SSH2: variants seen among roughly 807,000 people sequenced by gnomAD.
The protein encoded by SSH2 is protein phosphatase Slingshot homolog 2.
SSH2 carries 37 observed loss-of-function variants against 135.2 expected under a neutral mutation model. That is an observed-to-expected ratio of 0.27 (90% CI 0.21 to 0.36). The LOEUF is 0.36. SSH2 is among the 10% of genes least tolerant of loss of function. SSH2 has a pLI of 1.00. For synonymous variants in SSH2, 628 were observed against 646.2 expected (o/e 0.97, Z 0.43); for missense variants, 1,408 against 1,765.3 (o/e 0.80, Z 3.63).
At chr17:29,843,029 A>G (rs2043069969) in intron 2 of SSH2, among the ~76,000 whole-genome samples, 1 of 152,194 alleles carries the variant, frequency 6.6e-6, no homozygotes, top group African/African-American at 2.4e-5. Context: ...TCTGCAAATG[A>G]GTCTGAAAAA....
intron 1 of SSH2, among the ~76,000 whole-genome samples, chr17:29,896,344 T>C (rs2066443967): frequency 1.6e-5 from 2 of 125,666 alleles, no homozygotes; most frequent in African/African-American, 2.9e-5. Context: ...AAATGTATTT[T>C]ATATACACAT....
At chr17:29,891,165 G>C (rs188384270) in intron 1 of SSH2, among the ~76,000 whole-genome samples, 1 of 152,280 alleles carries the variant, frequency 6.6e-6, no homozygotes, top group Admixed American at 6.5e-5. Flanking sequence ...GACCAGCCTG[G>C]ATCAGGCCTA....
intron 1 of SSH2, among the ~76,000 whole-genome samples, chr17:29,899,053 G>C (rs561615871): frequency 7.1e-4 from 108 of 152,264 alleles, no homozygotes; most frequent in Non-Finnish European, 8.5e-4. Context: ...AATAGATGCA[G>C]AAAAGGCCTT....
At position 29,774,795 on chromosome 17, in the gene SSH2, A is replaced by C. The variant is rs138635361; in HGVS notation, c.188+19099T>G. On this transcript the variant is annotated intron_variant, in intron 3 of 15. Transcript: ENST00000540801. ...AATCATCCGGTCATGAATTACATTT[A>C]AAACTGTAAGGTGCAGGATGGCAAG... is the stretch of plus-strand genomic sequence containing the variant. Among the ~76,000 whole-genome samples, 3 of 152,374 alleles carry C rather than the reference A, an allele frequency of 2.0e-5. No homozygotes were observed. In the East Asian group the frequency reaches 5.8e-4, roughly 29 times the overall value.
intron 15 of SSH2, among the ~76,000 whole-genome samples, chr17:29,633,400 G>T (rs558370233): frequency 3.2e-4 from 48 of 152,200 alleles, no homozygotes; most frequent in African/African-American, 1.2e-3. Flanking sequence ...CCTTAGATAT[G>T]TCCCAGTGAT....
chr17:29,664,029 A>G (rs955323642), intron 11 of SSH2, among the ~76,000 whole-genome samples: 1 of 152,226 alleles, frequency 6.6e-6, no homozygotes, highest in Admixed American at 6.5e-5. Flanking sequence ...AATAAAGACA[A>G]TGTATCATAT....
intron 3 of SSH2, among the ~76,000 whole-genome samples, chr17:29,723,374 T>C (rs1365329524): frequency 6.6e-6 from 1 of 152,234 alleles, no homozygotes; most frequent in African/African-American, 2.4e-5. Flanking sequence ...CCTATATTGT[T>C]TGCTCTTGCA....
In SSH2 at chr17:29,869,236, A is replaced by C. The variant is rs1048002721; in HGVS notation, c.64-20307T>G. On this transcript the variant is annotated intron_variant, in intron 1 of 15. Coordinates refer to ENST00000540801, the MANE Select transcript of SSH2 (RefSeq NM_001282129.2). The stretch of plus-strand genomic sequence containing the variant: ...ATAATTGGGAGGTGTCATGAGAACC[A>C]CTGGGGTGAGAAACTCCCAAAAGCT... 2.6e-5 allele frequency among the ~76,000 whole-genome samples: 4 copies of C among 152,236 alleles called. No homozygotes were observed. The East Asian group carries it at 5.8e-4, about 22-fold the overall frequency.
chr17:29,877,665 A>C (rs1414937605), intron 1 of SSH2, among the ~76,000 whole-genome samples: 1 of 152,160 alleles, frequency 6.6e-6, no homozygotes, highest in Non-Finnish European at 1.5e-5. Context: ...TATGGATCTA[A>C]AAATCAAAAC....
At chr17:29,823,385 G>A (rs1301273774) in intron 2 of SSH2, among the ~76,000 whole-genome samples, 1 of 152,126 alleles carries the variant, frequency 6.6e-6, no homozygotes, top group Non-Finnish European at 1.5e-5. Flanking sequence ...ACCCACCTCA[G>A]GCTTTGACCC....
chr17:29,657,211 C>G (rs1283888219), intron 11 of SSH2, among the ~76,000 whole-genome samples: 1 of 152,140 alleles, frequency 6.6e-6, no homozygotes, highest in Non-Finnish European at 1.5e-5. Context: ...AAGTGATCCG[C>G]CTGCCTCGGC....
chr17:29,698,130 T>C (rs1261357686), intron 4 of SSH2, among the ~76,000 whole-genome samples: 2 of 152,122 alleles, frequency 1.3e-5, no homozygotes, highest in African/African-American at 2.4e-5. Flanking sequence ...ACATCCAGAA[T>C]AGGCAAATCT....
At chr17:29,752,399 T>C (rs970783234) in intron 3 of SSH2, among the ~76,000 whole-genome samples, 3 of 152,118 alleles carry the variant, frequency 2.0e-5, no homozygotes, top group Non-Finnish European at 2.9e-5. Context: ...TTAATATATA[T>C]GTAGCATTTC....
rs552401326 is a variant in SSH2 at position 29,648,744 on chromosome 17, C to A, written c.1227-400G>T. On this transcript the variant is annotated intron_variant, in intron 13 of 15. Coordinates refer to ENST00000540801, the MANE Select transcript of SSH2 (RefSeq NM_001282129.2). ...GGGTGTGGTGGTTCCCACCTGTAAT[C>A]CCAGGACTTTGGGAGGCTGAGGCAG... Among the ~76,000 whole-genome samples the A allele has an allele frequency of 2.0e-5, 3 of 152,220 alleles. No individual in the cohort carries two copies. The South Asian group carries it at 6.2e-4, about 31-fold the overall frequency.
chr17:29,929,799 T>TG (rs949844511), intron 1 of SSH2, 139 bp downstream of exon 1: 30 of 726,458 alleles, frequency 4.1e-5, no homozygotes, highest in South Asian at 8.5e-5. Flanking sequence ...CATGGGGGTG[T>TG]GGGGGGGTTC....
At chr17:29,639,145 T>C (rs183785132) in intron 14 of SSH2, among the ~76,000 whole-genome samples, 1 of 152,114 alleles carries the variant, frequency 6.6e-6, no homozygotes, top group African/African-American at 2.4e-5. Context: ...AGGAGACACG[T>C]GGAAAAAGCA....
chr17:29,668,897 G>C (rs2037379917), intron 9 of SSH2, among the ~76,000 whole-genome samples: 1 of 152,042 alleles, frequency 6.6e-6, no homozygotes. Flanking sequence ...TGCTATTGGT[G>C]GTGTGACTTC....
chr17:29,791,726 T>C (rs1567976910), intron 3 of SSH2, among the ~76,000 whole-genome samples: 1 of 152,214 alleles, frequency 6.6e-6, no homozygotes, highest in Non-Finnish European at 1.5e-5. Context: ...GCAAACACAC[T>C]AAATGTAAGA....
At chr17:29,738,967 T>A (rs561463480) in intron 3 of SSH2, among the ~76,000 whole-genome samples, 145 of 152,320 alleles carry the variant, frequency 9.5e-4, no homozygotes, top group African/African-American at 3.4e-3. Flanking sequence ...TTTAAAACTA[T>A]AATGTGGTAT....
Sources: gnomAD v4.1 joint callset for allele counts (sites outside exome capture counted in the v4.1 genomes callset) on GRCh38, gnomAD v4.1.1 for gene constraint, MANE v1.5 for transcripts, NCBI Gene and HGNC (gene_info 2026-07-23, HGNC 2026-07-21) for gene names.